The following MCTP2 variants were observed in gnomAD, a reference collection of about 807,000 sequenced individuals.
The protein encoded by MCTP2 is multiple C2 and transmembrane domain-containing protein 2.
MCTP2 carries 132 observed loss-of-function variants against 111.6 expected under a neutral mutation model. The observed-to-expected ratio is 1.18, with a 90% CI of 1.03 to 1.37. The LOEUF is 1.37. Ranked by LOEUF, MCTP2 falls within the 40% of genes most tolerant of loss-of-function variation. The pLI, the probability that MCTP2 is intolerant of heterozygous loss-of-function variation, is 0.00. For synonymous variants in MCTP2, 395 were observed against 387.7 expected (o/e 1.02, Z -0.22); for missense variants, 1,183 against 1,067.9 (o/e 1.11, Z -1.50).
chr15:94,405,092 A>G (rs181902759), intron 17 of MCTP2, among the ~76,000 whole-genome samples: 12 of 152,320 alleles, frequency 7.9e-5, no homozygotes, highest in Admixed American at 7.2e-4. Context: ...AATTGAAATT[A>G]GCGAATGTGA....
chr15:94,473,771 A>T (rs951032956), intron 21 of MCTP2, among the ~76,000 whole-genome samples: 5 of 152,212 alleles, frequency 3.3e-5, no homozygotes, highest in Non-Finnish European at 5.9e-5. Context: ...GAATTTGATA[A>T]ATGAACAGGC....
chr15:94,258,961 A>G (rs969667000), intron 1 of MCTP2, among the ~76,000 whole-genome samples: 59 of 152,242 alleles, frequency 3.9e-4, no homozygotes. Context: ...AATTATGTAC[A>G]TGTACTATGG....
chr15:94,413,436 C>CTT (rs552121253), intron 17 of MCTP2, among the ~76,000 whole-genome samples: 1 of 148,184 alleles, frequency 6.7e-6, no homozygotes, highest in Non-Finnish European at 1.5e-5. Context: ...TTTAAGGCTT[C>CTT]TTTTTTTTTT....
At position 94,408,196 on chromosome 15, in the gene MCTP2, A is replaced by T. The variant is rs574690369; in HGVS notation, c.2085+6177A>T. On this transcript the variant is annotated intron_variant, in intron 17 of 22. Transcript: ENST00000357742. ...CCAGAAGTCACAACTGGATGTGCAGAGCAGACATCGCTGCCCATTTGCTAG... is the reference window on the plus strand; with the variant it reads ...CCAGAAGTCACAACTGGATGTGCAGTGCAGACATCGCTGCCCATTTGCTAG... Among the ~76,000 whole-genome samples the T allele has an allele frequency of 4.6e-5, 7 of 152,336 alleles. No individual in the cohort carries two copies. The South Asian group carries it at 1.5e-3, about 32-fold the overall frequency.
intron 21 of MCTP2, among the ~76,000 whole-genome samples, chr15:94,474,883 G>A (rs2152544238): frequency 6.6e-6 from 1 of 151,174 alleles, no homozygotes; most frequent in South Asian, 2.1e-4. Flanking sequence ...AACATAGATA[G>A]TCTCAGTGCA....
At chr15:94,241,630 G>A (rs1024326688) in intron 1 of MCTP2, among the ~76,000 whole-genome samples, 1 of 152,120 alleles carries the variant, frequency 6.6e-6, no homozygotes, top group Non-Finnish European at 1.5e-5. Context: ...AATATTATGT[G>A]CTGATGTATG....
chr15:94,295,098 A>G (rs2075209638), intron 1 of MCTP2, among the ~76,000 whole-genome samples: 1 of 151,300 alleles, frequency 6.6e-6, no homozygotes, highest in Non-Finnish European at 1.5e-5. Context: ...ACAGGTATGA[A>G]CCACCATACC....
At chr15:94,340,121 A>G (rs944893623) in intron 5 of MCTP2, 78 bp from the exon 6 acceptor site, 18 of 942,420 alleles carry the variant, frequency 1.9e-5, no homozygotes, top group Non-Finnish European at 2.7e-5. Context: ...TTTCCAACCT[A>G]TTGCATTTGT....
At chr15:94,238,062 A>G (rs145973128) in intron 1 of MCTP2, among the ~76,000 whole-genome samples, 53 of 152,210 alleles carry the variant, frequency 3.5e-4, no homozygotes, top group Non-Finnish European at 5.4e-4. Flanking sequence ...TCTAAAATGT[A>G]TAAAATCAAG....
chr15:94,252,620 T>G (rs2072511496), intron 1 of MCTP2, among the ~76,000 whole-genome samples: 1 of 151,390 alleles, frequency 6.6e-6, no homozygotes, highest in Admixed American at 6.6e-5. Context: ...TATTCATGCC[T>G]CTGGTTTACA....
intron 1 of MCTP2, among the ~76,000 whole-genome samples, chr15:94,286,785 A>G (rs2074778243): frequency 6.6e-6 from 1 of 152,170 alleles, no homozygotes; most frequent in Non-Finnish European, 1.5e-5. Flanking sequence ...TAATAAATGA[A>G]GCTTCCATTA....
At chr15:94,233,830 A>G (rs928862462) in intron 1 of MCTP2, among the ~76,000 whole-genome samples, 1 of 152,236 alleles carries the variant, frequency 6.6e-6, no homozygotes, top group Non-Finnish European at 1.5e-5. Context: ...AGTACTCTGA[A>G]TTCAAATAAT....
At chr15:94,410,919 G>A (rs2082124161) in intron 17 of MCTP2, among the ~76,000 whole-genome samples, 1 of 152,178 alleles carries the variant, frequency 6.6e-6, no homozygotes, top group Admixed American at 6.5e-5. Context: ...TGTCTGTTAT[G>A]CATTTTTCTG....
intron 17 of MCTP2, chr15:94,402,925 T>G: frequency 1.9e-6 from 2 of 1,064,034 alleles, no homozygotes; most frequent in Non-Finnish European, 2.3e-6. Context: ...CTGCTTCTGT[T>G]TTCTACTGCC....
At chr15:94,337,336 T>C (rs1174956241) in intron 4 of MCTP2, among the ~76,000 whole-genome samples, 1 of 152,132 alleles carries the variant, frequency 6.6e-6, no homozygotes, top group Non-Finnish European at 1.5e-5. Context: ...TCAAGATGCC[T>C]GGGGATTACC....
chr15:94,369,124 T>C (rs930232618), intron 11 of MCTP2, among the ~76,000 whole-genome samples: 4 of 152,202 alleles, frequency 2.6e-5, no homozygotes, highest in Non-Finnish European at 5.9e-5. Flanking sequence ...AAAAACTAAT[T>C]GTTTTGTTTG....
chr15:94,379,298 G>C (rs2079965033), intron 12 of MCTP2, among the ~76,000 whole-genome samples: 1 of 152,028 alleles, frequency 6.6e-6, no homozygotes, highest in African/African-American at 2.4e-5. Flanking sequence ...GGGGTAAACA[G>C]AGAGAAAATA....
intron 12 of MCTP2, among the ~76,000 whole-genome samples, chr15:94,373,518 CT>C (rs1567557750): frequency 1.3e-5 from 2 of 151,848 alleles, no homozygotes; most frequent in African/African-American, 4.8e-5. Context: ...TAAATTATGC[CT>C]TTTTTAATAA....
intron 1 of MCTP2, among the ~76,000 whole-genome samples, chr15:94,244,777 T>C (rs960372105): frequency 4.0e-5 from 6 of 149,120 alleles, no homozygotes; most frequent in African/African-American, 1.5e-4. Context: ...CGTATATGTA[T>C]ACACATACAT....
Sources: gnomAD v4.1 joint callset for allele counts (sites outside exome capture counted in the v4.1 genomes callset) on GRCh38, gnomAD v4.1.1 for gene constraint, MANE v1.5 for transcripts, NCBI Gene and HGNC (gene_info 2026-07-23, HGNC 2026-07-21) for gene names.